The following MDGA2 variants were observed in gnomAD, a reference collection of about 807,000 sequenced individuals.
The protein encoded by MDGA2 is MAM domain containing glycosylphosphatidylinositol anchor 2, also known as MAM domain-containing glycosylphosphatidylinositol anchor protein 2.
MDGA2 carries 40 observed loss-of-function variants against 117.8 expected under a neutral mutation model. The ratio of observed to expected loss-of-function variants is 0.34; its 90% CI spans 0.26 to 0.44. The LOEUF is 0.44. MDGA2 is among the 20% of genes least tolerant of loss of function. MDGA2 has a pLI of 1.00. For synonymous variants in MDGA2, 452 were observed against 439.0 expected, an observed-to-expected ratio of 1.03 and a Z score of -0.37; for missense variants, 1,123 against 1,250.6, an observed-to-expected ratio of 0.90 and a Z score of 1.54.
intron 1 of MDGA2, among the ~76,000 whole-genome samples, chr14:47,648,392 A>T (rs769967659): frequency 6.6e-6 from 1 of 152,144 alleles, no homozygotes; most frequent in Non-Finnish European, 1.5e-5. Context: ...AAATTCCCTT[A>T]TCTTTCCAAT....
At chr14:47,409,490 T>G (rs1892328027) in intron 1 of MDGA2, among the ~76,000 whole-genome samples, 1 of 152,210 alleles carries the variant, frequency 6.6e-6, no homozygotes, top group Non-Finnish European at 1.5e-5. Context: ...TTACTCTTTC[T>G]TTTCTTCTAG....
intron 7 of MDGA2, among the ~76,000 whole-genome samples, chr14:47,055,409 C>T (rs1246820368): frequency 6.6e-6 from 1 of 152,012 alleles, no homozygotes; most frequent in Non-Finnish European, 1.5e-5. Context: ...GTGCCTTATT[C>T]TTAATCCAGC....
chr14:47,612,509 G>A (rs1423576406), intron 1 of MDGA2, among the ~76,000 whole-genome samples: 2 of 151,984 alleles, frequency 1.3e-5, no homozygotes, highest in East Asian at 1.9e-4. Flanking sequence ...TCTGGATGTC[G>A]AAGGTTAGAA....
At chr14:47,512,307 T>C (rs558684996) in intron 1 of MDGA2, among the ~76,000 whole-genome samples, 1 of 152,270 alleles carries the variant, frequency 6.6e-6, no homozygotes, top group South Asian at 2.1e-4. Flanking sequence ...AAACTACCCA[T>C]TGTAGCTTTT....
chr14:47,431,898 G>C (rs964804576), intron 1 of MDGA2, among the ~76,000 whole-genome samples: 1 of 151,950 alleles, frequency 6.6e-6, no homozygotes, highest in Non-Finnish European at 1.5e-5. Flanking sequence ...AGCTTTCCAC[G>C]ACATATTTGA....
At chr14:47,393,298 AACAT>A (rs1045108744) in intron 1 of MDGA2, among the ~76,000 whole-genome samples, 1 of 151,786 alleles carries the variant, frequency 6.6e-6, no homozygotes, top group Non-Finnish European at 1.5e-5. Flanking sequence ...CTTACTTCCA[AACAT>A]ACTGCTTTAT....
Position 46,873,571 on chromosome 14 carries a change from T to C in MDGA2, c.2614A>G (p.Thr872Ala), listed in dbSNP as rs747148813. 2 of 1,612,194 alleles carry C rather than the reference T, an allele frequency of 1.2e-6. No homozygotes were observed. The highest frequency in any genetic ancestry group is 1.7e-6 in the Non-Finnish European group (2 of 1,178,826). The change falls in exon 14 of 17, where the codon ACA becomes GCA. Residue 872 changes from threonine (T) to alanine (A), a missense_variant. Physicochemically the swap from Thr to Ala is moderately conservative, Grantham distance 58. This residue lies in a region of MDGA2 where 890 missense variants were observed against 1,050.3 expected (regional missense o/e 0.85). Coordinates refer to ENST00000399232, the MANE Select transcript of MDGA2 (RefSeq NM_001113498.3). Reference sequence around the variant, plus strand: ...TCGCCTTCCAATCTGGGTCGTGATGTCTCAATGTACATATAAAAACCTTAA... The same window carrying C: ...TCGCCTTCCAATCTGGGTCGTGATGCCTCAATGTACATATAAAAACCTTAA... ...SKEGFYMYIETSRPRLEGEKA... is the reference protein window; with the variant it reads ...SKEGFYMYIEASRPRLEGEKA...
intron 8 of MDGA2, among the ~76,000 whole-genome samples, chr14:46,987,372 C>T (rs1269396360): frequency 1.3e-5 from 2 of 152,040 alleles, no homozygotes; most frequent in African/African-American, 2.4e-5. Context: ...GAATTCGACA[C>T]AAAAATGTCT....
At chr14:46,974,654 G>C (rs1886389258) in intron 8 of MDGA2, among the ~76,000 whole-genome samples, 1 of 152,148 alleles carries the variant, frequency 6.6e-6, no homozygotes, top group Non-Finnish European at 1.5e-5. Context: ...AAATGGTGTT[G>C]TGAAAACTGG....
At chr14:46,932,930 GC>G (rs1286547043) in intron 9 of MDGA2, among the ~76,000 whole-genome samples, 1 of 151,770 alleles carries the variant, frequency 6.6e-6, no homozygotes, top group Non-Finnish European at 1.5e-5. Context: ...AAGGTTGTAA[GC>G]AATAAGATAA....
At chr14:47,419,311 G>C (rs1594847715) in intron 1 of MDGA2, among the ~76,000 whole-genome samples, 1 of 151,892 alleles carries the variant, frequency 6.6e-6, no homozygotes, top group African/African-American at 2.4e-5. Context: ...ACAAAAGGAA[G>C]CTTTTTTTTT....
chr14:47,540,520 A>ATG (rs147620834), intron 1 of MDGA2, among the ~76,000 whole-genome samples: 1,654 of 102,886 alleles, frequency 0.016, 47 homozygotes, highest in South Asian at 0.024. Flanking sequence ...GTATATGTAT[A>ATG]TGTGTGTGTG....
intron 1 of MDGA2, among the ~76,000 whole-genome samples, chr14:47,463,935 A>T: frequency 6.6e-6 from 1 of 152,084 alleles, no homozygotes; most frequent in South Asian, 2.1e-4. Flanking sequence ...TTACTTCATC[A>T]CAGTATAATT....
intron 1 of MDGA2, among the ~76,000 whole-genome samples, chr14:47,647,975 T>C (rs1254150094): frequency 6.6e-6 from 1 of 152,118 alleles, no homozygotes. Flanking sequence ...GCCACCAAAA[T>C]ATGTATATCT....
chr14:47,295,938 A>ATAGATAGATAGATAGG (rs1889054051), intron 2 of MDGA2, among the ~76,000 whole-genome samples: 1 of 140,672 alleles, frequency 7.1e-6, no homozygotes, highest in Non-Finnish European at 1.6e-5. Context: ...GATAAGATAG[A>ATAGATAGATAGATAGG]TAGATAGATA....
At chr14:47,086,390 C>G (rs1233966029) in intron 6 of MDGA2, among the ~76,000 whole-genome samples, 1 of 152,008 alleles carries the variant, frequency 6.6e-6, no homozygotes, top group African/African-American at 2.4e-5. Flanking sequence ...AGAATGAGCA[C>G]TGACATTGGA....
intron 3 of MDGA2, among the ~76,000 whole-genome samples, chr14:47,180,052 C>G (rs1230270923): frequency 1.3e-5 from 2 of 151,654 alleles, no homozygotes; most frequent in Non-Finnish European, 2.9e-5. Context: ...ATTTTGAGTT[C>G]AGGAGTAAAG....
At chr14:47,484,538 C>A (rs144835227) in intron 1 of MDGA2, among the ~76,000 whole-genome samples, 1 of 152,104 alleles carries the variant, frequency 6.6e-6, no homozygotes, top group African/African-American at 2.4e-5. Context: ...TCAATATCAT[C>A]GGTTAATTTT....
chr14:47,049,125 A>G (rs1406504808), intron 7 of MDGA2, among the ~76,000 whole-genome samples: 1 of 152,116 alleles, frequency 6.6e-6, no homozygotes, highest in Non-Finnish European at 1.5e-5. Flanking sequence ...AAGCCATGGT[A>G]AAAGTGGACT....
Sources: gnomAD v4.1 joint callset for allele counts (sites outside exome capture counted in the v4.1 genomes callset) on GRCh38, gnomAD v4.1.1 for gene constraint, gnomAD v4.1.1 regional missense constraint, MANE v1.5 for transcripts, NCBI Gene and HGNC (gene_info 2026-07-23, HGNC 2026-07-21) for gene names.